PPARGC1A: variants seen among roughly 807,000 people sequenced by gnomAD.
PPARGC1A encodes PPARG coactivator 1 alpha.
In PPARGC1A, 25 loss-of-function variants were observed where a neutral mutation model predicts 88.7. That is an observed-to-expected ratio of 0.28 (90% CI 0.21 to 0.39). PPARGC1A has a LOEUF of 0.39. Ranked by LOEUF, PPARGC1A falls within the 10% of genes least tolerant of loss-of-function variation. The probability of loss-of-function intolerance (pLI) is 1.00; values close to 1 mark genes in which losing one functional copy is unlikely to be tolerated. For synonymous variants in PPARGC1A, 363 were observed against 355.6 expected, an observed-to-expected ratio of 1.02 and a Z score of -0.24; for missense variants, 880 against 968.7, an observed-to-expected ratio of 0.91 and a Z score of 1.22.
At chr4:24,063,986 G>C in the PPARGC1A span, among the ~76,000 whole-genome samples, 5 of 152,152 alleles carry the variant, frequency 3.3e-5, no homozygotes, top group African/African-American at 1.2e-4. Flanking sequence ...CAGGGAATCT[G>C]TGTTCGAGAC....
At chr4:24,116,071 G>A in the PPARGC1A span, among the ~76,000 whole-genome samples, 1 of 152,136 alleles carries the variant, frequency 6.6e-6, no homozygotes, top group African/African-American at 2.4e-5. Flanking sequence ...AAATTTTCTG[G>A]TAGAGCACAC....
chr4:23,802,104 G>A, intron 11 of PPARGC1A, 120 bp downstream of exon 11: 1 of 1,415,076 alleles, frequency 7.1e-7, no homozygotes, highest in Non-Finnish European at 9.7e-7. Context: ...ATAAGGTTCT[G>A]AACTCAACAT....
the PPARGC1A span, among the ~76,000 whole-genome samples, chr4:24,382,814 G>A: frequency 2.0e-5 from 3 of 152,180 alleles, no homozygotes; most frequent in East Asian, 1.9e-4. Flanking sequence ...ACGCAGCTTC[G>A]GCAGACTTAA....
chr4:24,172,289 C>A, the PPARGC1A span, among the ~76,000 whole-genome samples: 1 of 152,286 alleles, frequency 6.6e-6, no homozygotes, highest in Non-Finnish European at 1.5e-5. Context: ...GTTTTAATGC[C>A]TGAACCTCCA....
the PPARGC1A span, among the ~76,000 whole-genome samples, chr4:24,462,548 C>A: frequency 2.0e-5 from 3 of 151,976 alleles, no homozygotes; most frequent in East Asian, 5.8e-4. Context: ...GCTGTGTGAC[C>A]TTGGCTACGT....
chr4:23,900,962 C>T (rs1266610723), upstream of PPARGC1A, among the ~76,000 whole-genome samples: 4 of 152,284 alleles, frequency 2.6e-5, no homozygotes, highest in Non-Finnish European at 4.4e-5. Context: ...CGGTGGCTCA[C>T]GCCTGTAATC....
the PPARGC1A span, among the ~76,000 whole-genome samples, chr4:24,109,152 TG>T: frequency 6.6e-6 from 1 of 151,824 alleles, no homozygotes; most frequent in Non-Finnish European, 1.5e-5. Context: ...TTTGGAAAAT[TG>T]AAACTTATTG....
At chr4:23,927,576 C>T in the PPARGC1A span, among the ~76,000 whole-genome samples, 89 of 152,176 alleles carry the variant, frequency 5.8e-4, no homozygotes, top group Admixed American at 1.4e-3. Context: ...AATAAGTAAT[C>T]CCTCCTGAGC....
intron 2 of PPARGC1A, chr4:23,880,852 G>A (rs1207987912): frequency 1.4e-4 from 21 of 152,116 alleles, no homozygotes; most frequent in Admixed American, 6.6e-5. Flanking sequence ...TCCTCAGAAC[G>A]TATTACAAGT....
At chr4:24,111,126 C>T in the PPARGC1A span, among the ~76,000 whole-genome samples, 427 of 152,156 alleles carry the variant, frequency 2.8e-3, 5 homozygotes, top group East Asian at 0.051. Flanking sequence ...TTATTGCAAA[C>T]GTTACTTATT....
the PPARGC1A span, among the ~76,000 whole-genome samples, chr4:24,412,650 T>A: frequency 6.6e-6 from 1 of 152,070 alleles, no homozygotes; most frequent in Non-Finnish European, 1.5e-5. Flanking sequence ...CCAGCTAATT[T>A]TTTGTATTTT....
the PPARGC1A span, among the ~76,000 whole-genome samples, chr4:24,081,998 A>T: frequency 6.6e-6 from 1 of 152,130 alleles, no homozygotes; most frequent in Non-Finnish European, 1.5e-5. Flanking sequence ...TGCTTTTGAA[A>T]ACTGAAATAC....
the PPARGC1A span, among the ~76,000 whole-genome samples, chr4:24,171,807 A>G: frequency 6.6e-6 from 1 of 152,220 alleles, no homozygotes; most frequent in Non-Finnish European, 1.5e-5. Context: ...TCTTTGTAAG[A>G]TTGACTATTG....
chr4:24,188,394 C>A, the PPARGC1A span, among the ~76,000 whole-genome samples: 1 of 152,140 alleles, frequency 6.6e-6, no homozygotes, highest in Non-Finnish European at 1.5e-5. Flanking sequence ...GGAGATCAGG[C>A]AAAGGCACTA....
the PPARGC1A span, among the ~76,000 whole-genome samples, chr4:24,028,391 T>G: frequency 2.0e-5 from 3 of 152,348 alleles, no homozygotes; most frequent in East Asian, 5.8e-4. Flanking sequence ...ACTTGGAATT[T>G]TGTCCTTGTC....
chr4:23,883,767 G>T (rs1206331835), intron 2 of PPARGC1A: 1 of 152,162 alleles, frequency 6.6e-6, no homozygotes, highest in South Asian at 2.1e-4. Flanking sequence ...TATTCAGCAT[G>T]TATTATATGC....
the PPARGC1A span, among the ~76,000 whole-genome samples, chr4:24,100,201 T>C: frequency 1.3e-5 from 2 of 152,152 alleles, no homozygotes; most frequent in Non-Finnish European, 1.5e-5. Flanking sequence ...GGCTGATTCA[T>C]TAAGTTTAAG....
chr4:23,971,940 A>AT, the PPARGC1A span, among the ~76,000 whole-genome samples: 3,206 of 151,536 alleles, frequency 0.021, 106 homozygotes, highest in African/African-American at 0.072. Context: ...ATATACATAT[A>AT]TTTTTTTTTC....
At chr4:24,080,342 T>A in the PPARGC1A span, among the ~76,000 whole-genome samples, 1 of 152,148 alleles carries the variant, frequency 6.6e-6, no homozygotes, top group East Asian at 1.9e-4. Flanking sequence ...AGTTTCTAAA[T>A]GATTATAACC....
Sources: gnomAD v4.1 joint callset for allele counts (sites outside exome capture counted in the v4.1 genomes callset) on GRCh38, gnomAD v4.1.1 for gene constraint, MANE v1.5 for transcripts, NCBI Gene and HGNC (gene_info 2026-07-23, HGNC 2026-07-21) for gene names.